Variants in DNM3 observed in about 807,000 individuals in gnomAD.
DNM3 encodes dynamin 3.
In DNM3, 47 loss-of-function variants were observed where a neutral mutation model predicts 101.6. The observed-to-expected ratio is 0.46, with a 90% CI of 0.37 to 0.59. The LOEUF is 0.59. Among genes scored for constraint, DNM3 ranks in the 20% least tolerant of loss-of-function variants. The probability of loss-of-function intolerance (pLI) is 0.00; values close to 1 mark genes in which losing one functional copy is unlikely to be tolerated. For synonymous variants in DNM3, 385 were observed against 387.9 expected (o/e 0.99, Z 0.09); for missense variants, 849 against 1,085.7 (o/e 0.78, Z 3.06).
chr1:172,276,557 A>ATGTGTGTGTGTGTGTG (rs60837783), intron 15 of DNM3, among the ~76,000 whole-genome samples: 6,652 of 144,248 alleles, frequency 0.046, 194 homozygotes, highest in African/African-American at 0.066. Context: ...AAAAATCTTA[A>ATGTGTGTGTGTGTGTG]TGTGTGTGTG....
chr1:172,203,923 TG>T (rs1014026761), intron 14 of DNM3, among the ~76,000 whole-genome samples: 1 of 152,174 alleles, frequency 6.6e-6, no homozygotes, highest in Non-Finnish European at 1.5e-5. Context: ...CACTATAAAG[TG>T]GATAAAACTG....
At position 172,077,148 on chromosome 1, in the gene DNM3, C is replaced by T. The variant is rs192184231; in HGVS notation, c.1423-4684C>T. Among the ~76,000 whole-genome samples the T allele has an allele frequency of 8.0e-3, 1,214 of 151,984 alleles. 14 individuals are homozygous for T. The highest frequency in any genetic ancestry group is 0.027 in the African/African-American group (1,139 of 41,484). On this transcript the variant is annotated intron_variant, in intron 11 of 20. Transcript: ENST00000627582. ...CTGATGGCAGTTTGTATTTCTTTGCCGTCAAAGGTGATATCCCCTTTATCA... is the reference window on the plus strand; with the variant it reads ...CTGATGGCAGTTTGTATTTCTTTGCTGTCAAAGGTGATATCCCCTTTATCA...
intron 4 of DNM3, among the ~76,000 whole-genome samples, chr1:172,019,775 T>G (rs2047706167): frequency 6.6e-6 from 1 of 152,148 alleles, no homozygotes; most frequent in Non-Finnish European, 1.5e-5. Context: ...TCAAAGGCAT[T>G]CTTCATTTCT....
intron 11 of DNM3, among the ~76,000 whole-genome samples, chr1:172,070,610 C>T (rs2052086593): frequency 2.0e-5 from 3 of 151,980 alleles, no homozygotes; most frequent in Admixed American, 2.0e-4. Context: ...CAAACTTCAC[C>T]ATGTTGTTAA....
intron 1 of DNM3, among the ~76,000 whole-genome samples, chr1:171,868,958 C>T (rs150774902): frequency 0.014 from 2,185 of 152,016 alleles, 61 homozygotes; most frequent in African/African-American, 0.048. Context: ...TAATTTTGTA[C>T]TTTTAGTAGA....
chr1:172,290,925 G>A (rs2063886757), intron 15 of DNM3, among the ~76,000 whole-genome samples: 1 of 152,160 alleles, frequency 6.6e-6, no homozygotes, highest in African/African-American at 2.4e-5. Context: ...CAGTGTGGGA[G>A]TCAGGCGGGT....
chr1:172,098,777 C>G (rs1440762144), intron 13 of DNM3, among the ~76,000 whole-genome samples: 1 of 152,182 alleles, frequency 6.6e-6, no homozygotes, highest in African/African-American at 2.4e-5. Flanking sequence ...TCAGCTGGTC[C>G]CTCCGTTCGG....
At chr1:172,282,669 A>G (rs1214415251) in intron 15 of DNM3, among the ~76,000 whole-genome samples, 3 of 152,182 alleles carry the variant, frequency 2.0e-5, no homozygotes, top group African/African-American at 7.2e-5. Context: ...TCTACTCCAC[A>G]TATTTAAAAG....
intron 15 of DNM3, among the ~76,000 whole-genome samples, chr1:172,296,318 T>A (rs962141400): frequency 1.3e-5 from 2 of 152,222 alleles, no homozygotes; most frequent in Non-Finnish European, 2.9e-5. Context: ...GCACTAGTTG[T>A]GTGATTCCTT....
intron 1 of DNM3, among the ~76,000 whole-genome samples, chr1:171,850,477 AT>A (rs2032801443): frequency 1.3e-5 from 2 of 152,190 alleles, no homozygotes. Context: ...ACTAAGACCC[AT>A]TCTCTTCATA....
At chr1:172,275,946 G>A (rs2063268502) in intron 15 of DNM3, among the ~76,000 whole-genome samples, 2 of 152,142 alleles carry the variant, frequency 1.3e-5, no homozygotes, top group African/African-American at 2.4e-5. Context: ...GACTGAATTA[G>A]TAATGTGTAA....
At chr1:172,320,561 A>G (rs965561524) in intron 16 of DNM3, among the ~76,000 whole-genome samples, 10 of 152,190 alleles carry the variant, frequency 6.6e-5, no homozygotes, top group African/African-American at 2.4e-4. Context: ...GTTCTTACTC[A>G]TAAGAGGGAG....
At chr1:171,957,166 C>T (rs924894587) in intron 2 of DNM3, among the ~76,000 whole-genome samples, 2 of 151,830 alleles carry the variant, frequency 1.3e-5, no homozygotes, top group Non-Finnish European at 2.9e-5. Context: ...AATTTCTTCT[C>T]AGAAAACGTG....
chr1:171,989,200 G>A (rs939151541), intron 4 of DNM3, 52 bp downstream of exon 4: 5 of 1,538,566 alleles, frequency 3.2e-6, no homozygotes, highest in African/African-American at 2.7e-5. Context: ...AGGAGTTTTG[G>A]TATCTTTAAA....
chr1:171,855,318 G>C (rs2033478847), intron 1 of DNM3, among the ~76,000 whole-genome samples: 1 of 152,180 alleles, frequency 6.6e-6, no homozygotes. Context: ...TTGCTATTGT[G>C]AATAGTGCTG....
At chr1:171,873,079 A>G (rs2035443318) in intron 1 of DNM3, among the ~76,000 whole-genome samples, 1 of 152,210 alleles carries the variant, frequency 6.6e-6, no homozygotes, top group Non-Finnish European at 1.5e-5. Flanking sequence ...GGATATTTGT[A>G]AGATATAAAG....
chr1:171,995,267 A>G (rs1193868076), intron 4 of DNM3, among the ~76,000 whole-genome samples: 2 of 151,862 alleles, frequency 1.3e-5, no homozygotes, highest in Non-Finnish European at 2.9e-5. Context: ...CACCACATCC[A>G]GCTAATTTTT....
chr1:172,086,480 A>G (rs1558546468), intron 12 of DNM3, among the ~76,000 whole-genome samples: 1 of 152,226 alleles, frequency 6.6e-6, no homozygotes, highest in Non-Finnish European at 1.5e-5. Context: ...CTATTGTATA[A>G]TCTGTGCTGT....
chr1:171,857,370 T>A (rs935290413), intron 1 of DNM3, among the ~76,000 whole-genome samples: 12 of 152,040 alleles, frequency 7.9e-5, no homozygotes, highest in Non-Finnish European at 1.5e-4. Context: ...AAATGGTGAG[T>A]GACAGAAAGG....
Sources: allele counts gnomAD v4.1 joint callset (sites outside exome capture counted in the v4.1 genomes callset), GRCh38; gene constraint gnomAD v4.1.1; transcripts MANE v1.5; gene names NCBI Gene and HGNC (gene_info 2026-07-23, HGNC 2026-07-21).